Variants in CSRP3 observed in about 807,000 individuals in gnomAD.
CSRP3 encodes the protein cysteine and glycine-rich protein 3.
A neutral mutation model predicts 24.3 loss-of-function variants in CSRP3; 24 were observed. The observed-to-expected ratio is 0.99, with a 90% CI of 0.71 to 1.39. The LOEUF is 1.39. CSRP3 is among the 40% of genes most tolerant of loss of function. The pLI is 0.00. For missense variants in CSRP3, 240 were observed against 249.0 expected (o/e 0.96, Z 0.24); for synonymous variants, 105 against 94.0 (o/e 1.12, Z -0.68).
At chr11:19,185,115 G>T in intron 4 of CSRP3, 70 bp from the exon 5 acceptor site, 1 of 1,147,066 alleles carries the variant, frequency 8.7e-7, no homozygotes, top group South Asian at 1.2e-5. Context: ...TCAAGTCCCT[G>T]ACCAGCAGCA....
At chr11:19,200,638 C>T (rs902767677) in intron 1 of CSRP3, among the ~76,000 whole-genome samples, 1 of 152,246 alleles carries the variant, frequency 6.6e-6, no homozygotes, top group African/African-American at 2.4e-5. Context: ...CTCAGCTACA[C>T]CTCCTGCCCA....
At chr11:19,196,890 T>C (rs1455030382) in intron 1 of CSRP3, 1 of 152,264 alleles carries the variant, frequency 6.6e-6, no homozygotes, top group Non-Finnish European at 1.5e-5. Context: ...TGGAAGAGGT[T>C]GGACTCCAGA....
Position 19,186,311 on chromosome 11 carries a change from G to T in CSRP3, c.319C>A (p.Pro107Thr), listed in dbSNP as rs1318623802. The T allele has an allele frequency of 1.9e-6, 3 of 1,614,226 alleles. No individual in the cohort carries two copies. The highest frequency in any genetic ancestry group is 1.1e-5 in the South Asian group (1 of 91,082). Reference sequence around the variant, plus strand: ...CCAAACTTCGCAGTGAATTTGGAAGGGTTGCTGGTGGTAACTGAGCGTGCC... The same window carrying T: ...CCAAACTTCGCAGTGAATTTGGAAGTGTTGCTGGTGGTAACTGAGCGTGCC... ...KPARSVTTSN[P>T]SKFTAKFGES... is the part of the protein sequence containing the mutation. Residue 107 changes from proline to threonine, a missense_variant, in exon 4 of 6, where the codon CCT becomes ACT. Pro to Thr is a conservative substitution (Grantham distance 38). Transcript: ENST00000265968.
chr11:19,187,466 G>A (rs949126816), intron 3 of CSRP3, among the ~76,000 whole-genome samples: 3 of 152,236 alleles, frequency 2.0e-5, no homozygotes, highest in Non-Finnish European at 4.4e-5. Flanking sequence ...CAGGCCAGTG[G>A]CCATCAGACT....
chr11:19,199,632 CT>C (rs1362835782), intron 1 of CSRP3, among the ~76,000 whole-genome samples: 3 of 152,166 alleles, frequency 2.0e-5, no homozygotes, highest in African/African-American at 7.2e-5. Flanking sequence ...TAGTTTCTTC[CT>C]CTGAAAAATG....
At chr11:19,191,087 C>T (rs1323083891) in intron 2 of CSRP3, among the ~76,000 whole-genome samples, 1 of 152,180 alleles carries the variant, frequency 6.6e-6, no homozygotes, top group East Asian at 1.9e-4. Context: ...CCAGTTTTCT[C>T]CTTGTAACAA....
At chr11:19,192,233 G>A in intron 2 of CSRP3, 104 bp downstream of exon 2, 1 of 809,312 alleles carries the variant, frequency 1.2e-6, no homozygotes, top group Non-Finnish European at 2.2e-6. Context: ...CTTGTCCCAG[G>A]ACCACACTAT....
At chr11:19,193,231 T>C (rs1850644174) in intron 1 of CSRP3, among the ~76,000 whole-genome samples, 1 of 152,214 alleles carries the variant, frequency 6.6e-6, no homozygotes, top group Non-Finnish European at 1.5e-5. Flanking sequence ...CATATCAGGA[T>C]GAACTACATA....
rs187625273 is a variant in CSRP3 at position 19,189,285 on chromosome 11, G to A, written c.113-981C>T. Among the ~76,000 whole-genome samples the A allele has an allele frequency of 5.9e-3, 904 of 152,298 alleles. 21 individuals carry two copies. Among genetic ancestry groups the A allele is most frequent in the Non-Finnish European group, 3.0e-3 (206 of 68,028 alleles). ...GCAGCCCTGTTTTATACCTGAGTAGGAGGTTGTCACCTAGAAATTGCATCT... is the reference window on the plus strand; with the variant it reads ...GCAGCCCTGTTTTATACCTGAGTAGAAGGTTGTCACCTAGAAATTGCATCT... On this transcript the variant is annotated intron_variant, in intron 2 of 5. Coordinates refer to ENST00000265968, the MANE Select transcript of CSRP3 (RefSeq NM_003476.5).
At chr11:19,190,521 C>T (rs999511148) in intron 2 of CSRP3, among the ~76,000 whole-genome samples, 5 of 152,058 alleles carry the variant, frequency 3.3e-5, no homozygotes, top group Non-Finnish European at 7.4e-5. Context: ...TTATTTGTAC[C>T]ATTTTTAAAC....
At chr11:19,186,900 A>G (rs1850535919) in intron 3 of CSRP3, among the ~76,000 whole-genome samples, 1 of 152,220 alleles carries the variant, frequency 6.6e-6, no homozygotes, top group Non-Finnish European at 1.5e-5. Flanking sequence ...TGTCCAAAAT[A>G]GAGACATAAT....
chr11:19,193,067 A>G (rs1184793502), intron 1 of CSRP3, among the ~76,000 whole-genome samples: 3 of 152,172 alleles, frequency 2.0e-5, no homozygotes, highest in Non-Finnish European at 4.4e-5. Flanking sequence ...GCATATTAAT[A>G]ATATATAAAA....
chr11:19,183,797 T>TCCC (rs1444269880), intron 5 of CSRP3, among the ~76,000 whole-genome samples: 1 of 152,142 alleles, frequency 6.6e-6, no homozygotes, highest in African/African-American at 2.4e-5. Context: ...TTTGGCTGTA[T>TCCC]CCCCACCTAA....
rs1235312466 is a variant in CSRP3 at position 19,182,629 on chromosome 11, T to A, written c.*41A>T. 1 of 1,499,064 alleles carries A rather than the reference T, an allele frequency of 6.7e-7. No individual in the cohort carries two copies. Among genetic ancestry groups the A allele is most frequent in the South Asian group, 1.1e-5 (1 of 88,854 alleles). 92.9% of individuals were successfully genotyped at this position (1,499,064 alleles called of 1,614,324 possible). A position where few individuals can be genotyped will look rare whatever the true frequency, so the allele number is the denominator to read the frequency against. ...GATCTGTGCAGGATTACTTGGCAAGTGTTTTAGGCTCGCAAAAAATCTGAG... is the reference window on the plus strand; with the variant it reads ...GATCTGTGCAGGATTACTTGGCAAGAGTTTTAGGCTCGCAAAAAATCTGAG... On this transcript the variant is annotated 3_prime_UTR_variant, in exon 6 of 6. Transcript: ENST00000265968.
intron 2 of CSRP3, among the ~76,000 whole-genome samples, chr11:19,191,336 A>G (rs187423366): frequency 1.4e-3 from 213 of 152,248 alleles, no homozygotes; most frequent in African/African-American, 4.5e-3. Flanking sequence ...AGTTCTTTTC[A>G]ATTGCATGGA....
rs186846996 is a variant in CSRP3 at position 19,198,353 on chromosome 11, C to T, written c.-29+3601G>A. ...ACTTCCCAGTTGATGGGAATTGAGA[C>T]GTGACCAATCCATTGTCTCTCCATG... On this transcript the variant is annotated intron_variant, in intron 1 of 5. Transcript: ENST00000265968. Among the ~76,000 whole-genome samples the T allele has an allele frequency of 3.5e-4, 53 of 152,302 alleles. No homozygotes were observed. In the East Asian group the frequency reaches 7.0e-3, roughly 20 times the overall value.
chr11:19,199,533 A>G (rs544858776), intron 1 of CSRP3, among the ~76,000 whole-genome samples: 2 of 152,294 alleles, frequency 1.3e-5, no homozygotes, highest in African/African-American at 2.4e-5. Context: ...ATTTATTTCT[A>G]AAGACCACAT....
At chr11:19,187,014 T>C (rs1850537749) in intron 3 of CSRP3, among the ~76,000 whole-genome samples, 1 of 151,896 alleles carries the variant, frequency 6.6e-6, no homozygotes, top group Non-Finnish European at 1.5e-5. Context: ...TGGAGGAGAG[T>C]GAGGATCAGA....
At chr11:19,188,660 G>A (rs1329257504) in intron 2 of CSRP3, among the ~76,000 whole-genome samples, 13 of 150,318 alleles carry the variant, frequency 8.6e-5, no homozygotes, top group African/African-American at 1.2e-4. Context: ...GTTTGTGGGC[G>A]CGCGCGTTGG....
Sources: gnomAD v4.1 joint callset for allele counts (sites outside exome capture counted in the v4.1 genomes callset) on GRCh38, gnomAD v4.1.1 for gene constraint, MANE v1.5 for transcripts, NCBI Gene and HGNC (gene_info 2026-07-23, HGNC 2026-07-21) for gene names.